Variants in ADAT3 observed in about 807,000 individuals in gnomAD.
The protein encoded by ADAT3 is tRNA-specific adenosine-34 deaminase regulatory subunit ADAT3.
In ADAT3, 2 loss-of-function variants were observed where a neutral mutation model predicts 3.5. The observed-to-expected ratio is 0.57, with a 90% CI of 0.23 to 1.79. ADAT3 has a LOEUF of 1.79. ADAT3 is among the 40% of genes most tolerant of loss of function. The pLI, the probability that ADAT3 is intolerant of heterozygous loss-of-function variation, is 0.18. For synonymous variants in ADAT3, 358 were observed against 270.3 expected (o/e 1.32, Z -3.18); for missense variants, 735 against 571.4 (o/e 1.29, Z -2.92).
Position 1,912,304 on chromosome 19 carries a change from C to T in ADAT3, c.257C>T (p.Pro86Leu). 6.4e-7 allele frequency: 1 copy of T among 1,562,398 alleles called. No homozygotes were observed. The highest frequency in any genetic ancestry group is 8.6e-7 in the Non-Finnish European group (1 of 1,160,184). ...LKEVSALHPLPAQPHLKRVRP... is the reference protein window; with the variant it reads ...LKEVSALHPLLAQPHLKRVRP... ...GAGGTGTCGGCCCTGCACCCGCTCC[C>T]CGCCCAGCCTCACCTCAAGCGGGTG... Residue 86 changes from proline to leucine, a missense_variant, in exon 2 of 2, where the codon CCC (proline) becomes CTC (leucine). By Grantham distance (98) the Pro-to-Leu change is moderately conservative. Transcript: ENST00000329478.
At position 1,912,498 on chromosome 19, in the gene ADAT3, A is replaced by G; in HGVS notation, c.451A>G (p.Thr151Ala). The G allele has an allele frequency of 6.7e-7, 1 of 1,496,778 alleles. No homozygotes were observed. The allele number at this position is 1,496,778 out of a possible 1,614,324, so 92.7% of individuals were successfully genotyped here. A position where few individuals can be genotyped will look rare whatever the true frequency, so the allele number is the denominator to read the frequency against. ...LVPVPARPPL[T>A]RGQFEEARAH... ...GCCCGTGCCCGCCCGGCCGCCTCTG[A>G]CCAGGGGCCAGTTCGAGGAGGCCCG... The change falls in exon 2 of 2, where the codon ACC (threonine) becomes GCC (alanine). Residue 151 changes from threonine to alanine, a missense_variant. Physicochemically the swap from Thr to Ala is moderately conservative, Grantham distance 58. Coordinates refer to ENST00000329478, the MANE Select transcript of ADAT3 (RefSeq NM_138422.4).
chr19:1,912,070 G>T lies in ADAT3; in HGVS notation c.23G>T (p.Cys8Phe). ...CGGATGATCCTCTGCTCCCGTCTCTGTCTCCCACAGTCGGCCTCGCTGAGG... is the reference window on the plus strand; with the variant it reads ...CGGATGATCCTCTGCTCCCGTCTCTTTCTCCCACAGTCGGCCTCGCTGAGG... MILCSRL[C>F]LPQSASLRME... is the part of the protein sequence containing the mutation. Residue 8 changes from cysteine to phenylalanine, a missense_variant, in exon 2 of 2, where the codon TGT becomes TTT. By Grantham distance (205) the Cys-to-Phe change is radical. Coordinates refer to ENST00000329478, the MANE Select transcript of ADAT3 (RefSeq NM_138422.4). The T allele has an allele frequency of 6.9e-7, 1 of 1,444,544 alleles. No individual in the cohort carries two copies. 89.5% of individuals were successfully genotyped at this position (1,444,544 alleles called of 1,614,324 possible). A position where few individuals can be genotyped will look rare whatever the true frequency, so the allele number is the denominator to read the frequency against.
In ADAT3 at chr19:1,912,871, C is replaced by G; in HGVS notation, c.824C>G (p.Ala275Gly). 1.2e-6 allele frequency: 2 copies of G among 1,601,258 alleles called. No individual in the cohort carries two copies. Among genetic ancestry groups the G allele is most frequent in the Middle Eastern group, 3.3e-4 (2 of 6,050 alleles). Residue 275 changes from alanine (A) to glycine (G), a missense_variant, in exon 2 of 2, where the codon GCC becomes GGC. By Grantham distance (60) the Ala-to-Gly change is moderately conservative. Transcript: ENST00000329478. The part of the protein sequence containing the change: ...CSFAPAAAPQ[A>G]VRAGAVRKLD... ...TTCGCCCCGGCCGCTGCCCCCCAGG[C>G]CGTCCGCGCAGGCGCCGTGCGTAAA...
At chr19:1,906,560 T>C (rs545661083) in intron 1 of ADAT3, 1 of 151,106 alleles carries the variant, frequency 6.6e-6, no homozygotes, top group Non-Finnish European at 1.5e-5. Context: ...ATAAAATACA[T>C]ACGTGTAGCG....
At position 1,912,198 on chromosome 19, in the gene ADAT3, A is replaced by C. The variant is rs904151212; in HGVS notation, c.151A>C (p.Lys51Gln). ...GCAGGCCCTCCCTGTCCTGTCCGAG[A>C]AGCAGTCAGGGGACGTGGAGCTGGT... ...PWQALPVLSE[K>Q]QSGDVELVLA... The change falls in exon 2 of 2, where the codon AAG becomes CAG. Residue 51 changes from lysine to glutamine, a missense_variant. Physicochemically the swap from Lys to Gln is moderately conservative, Grantham distance 53 (BLOSUM62 1). Transcript: ENST00000329478. The C allele has an allele frequency of 8.2e-6, 13 of 1,588,012 alleles. No individual in the cohort carries two copies. In the African/African-American group the frequency reaches 1.6e-4, roughly 20 times the overall value.
chr19:1,912,835 C>T lies in ADAT3; in HGVS notation c.788C>T (p.Pro263Leu), dbSNP rs775059049. 6.3e-6 allele frequency: 10 copies of T among 1,593,308 alleles called. No individual in the cohort carries two copies. The highest frequency in any genetic ancestry group is 4.4e-5 in the South Asian group (4 of 90,474). The change falls in exon 2 of 2, where the codon CCC (proline) becomes CTC (leucine). Residue 263 changes from proline to leucine, a missense_variant. Pro to Leu is a moderately conservative substitution (Grantham distance 98). Transcript: ENST00000329478. ...GRGTYDFRPF[P>L]ACSFAPAAAP... ...GGCACCTACGACTTCAGACCCTTCCCCGCCTGCTCCTTCGCCCCGGCCGCT... is the reference window on the plus strand; with the variant it reads ...GGCACCTACGACTTCAGACCCTTCCTCGCCTGCTCCTTCGCCCCGGCCGCT...
Position 1,913,401 on chromosome 19 carries a change from C to T in ADAT3, c.*250C>T, listed in dbSNP as rs2013607041. ...CTGCGTTTGTGTCCCCTCTGTCTCG[C>T]GGGCCGGGAAACTGCTCTGATGGGA... On this transcript the variant is annotated 3_prime_UTR_variant, in exon 2 of 2. Coordinates refer to ENST00000329478, the MANE Select transcript of ADAT3 (RefSeq NM_138422.4). 3.3e-6 allele frequency: 2 copies of T among 600,912 alleles called. No homozygotes were observed. Among genetic ancestry groups the T allele is most frequent in the Non-Finnish European group, 5.9e-6 (2 of 339,442 alleles). The allele number at this position is 600,912 out of a possible 1,614,324, so 37.2% of individuals were successfully genotyped here.
At position 1,912,108 on chromosome 19, in the gene ADAT3, C is replaced by G; in HGVS notation, c.61C>G (p.Pro21Ala). 6.6e-7 allele frequency: 1 copy of G among 1,521,102 alleles called. No individual in the cohort carries two copies. 94.2% of individuals were successfully genotyped at this position (1,521,102 alleles called of 1,614,324 possible). A position where few individuals can be genotyped will look rare whatever the true frequency, so the allele number is the denominator to read the frequency against. ...QSASLRMEPA[P>A]GLVEQPKCLE... ...GGCCTCGCTGAGGATGGAGCCCGCC[C>G]CGGGCCTCGTGGAGCAGCCCAAGTG... The change falls in exon 2 of 2, where the codon CCG (proline) becomes GCG (alanine). Residue 21 changes from proline (P) to alanine (A), a missense_variant. Coordinates refer to ENST00000329478, the MANE Select transcript of ADAT3 (RefSeq NM_138422.4).
At chr19:1,910,289 G>A (rs922353003) in intron 1 of ADAT3, among the ~76,000 whole-genome samples, 14 of 152,220 alleles carry the variant, frequency 9.2e-5, no homozygotes, top group South Asian at 4.1e-4. Flanking sequence ...AGCAGCTTGC[G>A]GCCGGGGGAC....
At chr19:1,906,251 T>TG (rs2013107203) in intron 1 of ADAT3, 2 of 152,120 alleles carry the variant, frequency 1.3e-5, no homozygotes, top group South Asian at 4.1e-4. Context: ...AACCAGCTAC[T>TG]GGGGAGGCCA....
Position 1,913,443 on chromosome 19 carries a change from A to C in ADAT3, c.*292A>C. 3.9e-6 allele frequency: 2 copies of C among 518,456 alleles called. No homozygotes were observed. The highest frequency in any genetic ancestry group is 2.4e-5 in the South Asian group (1 of 42,338). The allele number at this position is 518,456 out of a possible 1,614,324, so 32.1% of individuals were successfully genotyped here. A position where few individuals can be genotyped will look rare whatever the true frequency, so the allele number is the denominator to read the frequency against. On this transcript the variant is annotated 3_prime_UTR_variant, in exon 2 of 2. Transcript: ENST00000329478. ...CTGATGGGAAAATAAACAGCCCAAA[A>C]CCAAGTGGGTGTCTGTTAGGAGGTG...
chr19:1,911,780 C>G lies in ADAT3; in HGVS notation c.-158-110C>G, dbSNP rs925322251. 6 of 361,416 alleles carry G rather than the reference C, an allele frequency of 1.7e-5. No homozygotes were observed. In the Admixed American group the frequency reaches 1.9e-4, roughly 11 times the overall value. The allele number at this position is 361,416 out of a possible 1,614,324, so 22.4% of individuals were successfully genotyped here. A position where few individuals can be genotyped will look rare whatever the true frequency, so the allele number is the denominator to read the frequency against. ...CCTGGGCGACAGCGAGACTCCGTCT[C>G]AGAAGTAAAAAAATAAAATAAAAAA... On this transcript the variant is annotated intron_variant, in intron 1 of 1. Coordinates refer to ENST00000329478, the MANE Select transcript of ADAT3 (RefSeq NM_138422.4).
Position 1,912,870 on chromosome 19 carries a change from GCCGT to G in ADAT3, c.827_830del (p.Val276AlafsTer26). 6.2e-7 allele frequency: 1 copy of G among 1,601,030 alleles called. No individual in the cohort carries two copies. On this transcript the variant is annotated frameshift_variant, in exon 2 of 2. Transcript: ENST00000329478. LOFTEE classifies it low-confidence loss of function (END_TRUNC). ...CTTCGCCCCGGCCGCTGCCCCCCAG[GCCGT>G]CCGCGCAGGCGCCGTGCGTAAACTG... is the stretch of plus-strand genomic sequence containing the variant.
Position 1,912,124 on chromosome 19 carries a change from AGCCCAAGT to A in ADAT3, c.80_87del (p.Pro27LeufsTer9). On this transcript the variant is annotated frameshift_variant, in exon 2 of 2. Transcript: ENST00000329478. LOFTEE classifies it low-confidence loss of function (END_TRUNC). ...GAGCCCGCCCCGGGCCTCGTGGAGCAGCCCAAGTGCTTGGAGGCCGGGAGCCCGGAGCC... is the reference window on the plus strand; with the variant it reads ...GAGCCCGCCCCGGGCCTCGTGGAGCAGCTTGGAGGCCGGGAGCCCGGAGCC... The A allele has an allele frequency of 6.5e-7, 1 of 1,544,668 alleles. No individual in the cohort carries two copies. Among genetic ancestry groups the A allele is most frequent in the East Asian group, 2.4e-5 (1 of 41,890 alleles).
chr19:1,911,952 T>C lies in ADAT3; in HGVS notation c.-96T>C. ...GTGACCTGGGCCGGAGCCCTCGGAC[T>C]AGCCTCAGCTTTGGTGGCAGCACGC... On this transcript the variant is annotated 5_prime_UTR_variant, in exon 2 of 2. Coordinates refer to ENST00000329478, the MANE Select transcript of ADAT3 (RefSeq NM_138422.4). The C allele has an allele frequency of 7.2e-7, 1 of 1,390,990 alleles. No individual in the cohort carries two copies. Among genetic ancestry groups the C allele is most frequent in the Non-Finnish European group, 9.3e-7 (1 of 1,075,482 alleles). The allele number at this position is 1,390,990 out of a possible 1,614,324, so 86.2% of individuals were successfully genotyped here.
intron 1 of ADAT3, among the ~76,000 whole-genome samples, chr19:1,907,754 A>G (rs1380478426): frequency 1.3e-5 from 2 of 152,050 alleles, no homozygotes; most frequent in Non-Finnish European, 2.9e-5. Flanking sequence ...GAGGGGTCCC[A>G]GTGGTCGGTC....
Position 1,912,063 on chromosome 19 carries a change from C to T in ADAT3, c.16C>T (p.Arg6Cys), listed in dbSNP as rs770766635. 3 of 1,435,334 alleles carry T rather than the reference C, an allele frequency of 2.1e-6. No individual in the cohort carries two copies. The highest frequency in any genetic ancestry group is 2.7e-6 in the Non-Finnish European group (3 of 1,100,122). 88.9% of individuals were successfully genotyped at this position (1,435,334 alleles called of 1,614,324 possible). A position where few individuals can be genotyped will look rare whatever the true frequency, so the allele number is the denominator to read the frequency against. ...CAGCCGCCGGATGATCCTCTGCTCC[C>T]GTCTCTGTCTCCCACAGTCGGCCTC... The part of the protein sequence containing the change: MILCS[R>C]LCLPQSASLR... Residue 6 changes from arginine to cysteine, a missense_variant, in exon 2 of 2, where the codon CGT becomes TGT. By Grantham distance (180) the Arg-to-Cys change is radical. Transcript: ENST00000329478.
Position 1,912,538 on chromosome 19 carries a change from C to T in ADAT3, c.491C>T (p.Thr164Met), listed in dbSNP as rs887050126. 6.0e-6 allele frequency: 9 copies of T among 1,500,294 alleles called. No individual in the cohort carries two copies. In the African/African-American group the frequency reaches 1.2e-4, roughly 19 times the overall value. The allele number at this position is 1,500,294 out of a possible 1,614,324, so 92.9% of individuals were successfully genotyped here. The part of the protein sequence containing the change: ...QFEEARAHWP[T>M]SFHEDKQVTS... ...GAGGAGGCCCGGGCCCACTGGCCCA[C>T]GTCCTTCCACGAGGACAAGCAGGTG... Residue 164 changes from threonine to methionine, a missense_variant, in exon 2 of 2, where the codon ACG becomes ATG. Physicochemically the swap from Thr to Met is moderately conservative, Grantham distance 81. Transcript: ENST00000329478.
intron 1 of ADAT3, 59 bp from the exon 2 acceptor site, chr19:1,911,831 A>C: frequency 4.5e-6 from 2 of 448,388 alleles, no homozygotes; most frequent in Non-Finnish European, 7.6e-6. Flanking sequence ...GTCTTCTGGT[A>C]GGTGAATTAT....
Sources: gnomAD v4.1 joint callset for allele counts (sites outside exome capture counted in the v4.1 genomes callset) on GRCh38, gnomAD v4.1.1 for gene constraint, MANE v1.5 for transcripts, NCBI Gene and HGNC (gene_info 2026-07-23, HGNC 2026-07-21) for gene names.